Variants in ERBB4 observed in about 807,000 individuals in gnomAD.
The protein encoded by ERBB4 is receptor tyrosine-protein kinase erbB-4.
In ERBB4, 42 loss-of-function variants were observed where a neutral mutation model predicts 158.0. That is an observed-to-expected ratio of 0.27 (90% confidence interval 0.21 to 0.34). The LOEUF (loss-of-function observed/expected upper bound fraction) is 0.34. Ranked by LOEUF, ERBB4 falls within the 10% of genes least tolerant of loss-of-function variation. The pLI is 1.00. For missense variants in ERBB4, 1,333 were observed against 1,624.1 expected, an observed-to-expected ratio of 0.82 and a Z score of 3.08; for synonymous variants, 583 against 558.7, an observed-to-expected ratio of 1.04 and a Z score of -0.61.
chr2:212,260,541 A>C (rs1350134582), intron 1 of ERBB4, among the ~76,000 whole-genome samples: 2 of 152,210 alleles, frequency 1.3e-5, no homozygotes, highest in East Asian at 1.9e-4. Context: ...CCCTCTGCGC[A>C]GTGGCTCACG....
intron 7 of ERBB4, among the ~76,000 whole-genome samples, chr2:211,715,453 T>C (rs1017807848): frequency 2.0e-5 from 3 of 152,198 alleles, no homozygotes; most frequent in Non-Finnish European, 4.4e-5. Flanking sequence ...GCATACATGA[T>C]ATTAAGTAGC....
chr2:211,412,639 C>T (rs1346288334), intron 25 of ERBB4, among the ~76,000 whole-genome samples: 2 of 152,056 alleles, frequency 1.3e-5, no homozygotes, highest in Non-Finnish European at 2.9e-5. Flanking sequence ...TATATTAATT[C>T]ATTTACTCTT....
chr2:211,996,304 A>G (rs1196493892), intron 2 of ERBB4, among the ~76,000 whole-genome samples: 1 of 151,976 alleles, frequency 6.6e-6, no homozygotes, highest in East Asian at 1.9e-4. Flanking sequence ...AATCAAGTTT[A>G]AACATTATCC....
chr2:212,118,400 A>C (rs2079636034), intron 2 of ERBB4, among the ~76,000 whole-genome samples: 1 of 152,166 alleles, frequency 6.6e-6, no homozygotes, highest in Non-Finnish European at 1.5e-5. Context: ...TTGCTGTCTG[A>C]GTTGCAGCTT....
intron 20 of ERBB4, among the ~76,000 whole-genome samples, chr2:211,494,954 A>T (rs1056310991): frequency 1.3e-5 from 2 of 152,164 alleles, no homozygotes; most frequent in Non-Finnish European, 2.9e-5. Flanking sequence ...GCATTGGGAC[A>T]TAGCTGGTTA....
At chr2:211,813,905 A>G (rs2076819420) in intron 3 of ERBB4, among the ~76,000 whole-genome samples, 1 of 152,192 alleles carries the variant, frequency 6.6e-6, no homozygotes, top group Non-Finnish European at 1.5e-5. Context: ...GACAAAAAAT[A>G]ATATAAATCA....
At chr2:211,649,204 A>G (rs1224876041) in intron 16 of ERBB4, among the ~76,000 whole-genome samples, 1 of 151,872 alleles carries the variant, frequency 6.6e-6, no homozygotes, top group African/African-American at 2.4e-5. Flanking sequence ...ACTAAGAGAA[A>G]GACATTGAGC....
At chr2:211,558,798 A>G (rs1348844697) in intron 20 of ERBB4, among the ~76,000 whole-genome samples, 1 of 152,112 alleles carries the variant, frequency 6.6e-6, no homozygotes, top group East Asian at 1.9e-4. Flanking sequence ...CTCCCTGCTT[A>G]AGGGTAGATT....
At chr2:211,501,950 C>T (rs1254200066) in intron 20 of ERBB4, among the ~76,000 whole-genome samples, 1 of 152,020 alleles carries the variant, frequency 6.6e-6, no homozygotes, top group Non-Finnish European at 1.5e-5. Context: ...ATTTGTTGTT[C>T]CTCCATATAC....
At chr2:211,756,121 G>C (rs149010436) in intron 4 of ERBB4, among the ~76,000 whole-genome samples, 3 of 152,124 alleles carry the variant, frequency 2.0e-5, no homozygotes, top group Non-Finnish European at 4.4e-5. Context: ...GTTCAGGGAG[G>C]GGGGATAAAA....
At chr2:211,539,925 T>G (rs2066753589) in intron 20 of ERBB4, among the ~76,000 whole-genome samples, 1 of 151,964 alleles carries the variant, frequency 6.6e-6, no homozygotes, top group African/African-American at 2.4e-5. Flanking sequence ...GCACATTAGG[T>G]TATGTAATAA....
chr2:212,029,918 C>T (rs1032958533), intron 2 of ERBB4, among the ~76,000 whole-genome samples: 16 of 152,116 alleles, frequency 1.1e-4, no homozygotes, highest in African/African-American at 3.9e-4. Context: ...CTCGTATATT[C>T]CTTAGCTTAA....
At chr2:211,587,224 C>A (rs559081550) in intron 19 of ERBB4, among the ~76,000 whole-genome samples, 1 of 150,956 alleles carries the variant, frequency 6.6e-6, no homozygotes, top group Admixed American at 6.6e-5. Context: ...GGCGTGGTGG[C>A]GAGCACCTGT....
chr2:212,400,311 G>C (rs977803025), intron 1 of ERBB4, among the ~76,000 whole-genome samples: 7 of 152,152 alleles, frequency 4.6e-5, no homozygotes, highest in African/African-American at 1.7e-4. Flanking sequence ...GGCCTAATGG[G>C]GAGGTGGTGA....
chr2:211,999,797 A>G (rs1385427836), intron 2 of ERBB4, among the ~76,000 whole-genome samples: 1 of 151,680 alleles, frequency 6.6e-6, no homozygotes, highest in Non-Finnish European at 1.5e-5. Context: ...TAGGTTTAAA[A>G]CCATCTTACC....
intron 3 of ERBB4, among the ~76,000 whole-genome samples, chr2:211,806,575 C>G (rs1172285089): frequency 1.3e-5 from 2 of 152,018 alleles, no homozygotes; most frequent in African/African-American, 2.4e-5. Flanking sequence ...AGAGAAGTAT[C>G]ACAATGCAAC....
At chr2:212,084,946 T>G (rs1244927175) in intron 2 of ERBB4, among the ~76,000 whole-genome samples, 3 of 151,956 alleles carry the variant, frequency 2.0e-5, no homozygotes, top group Non-Finnish European at 4.4e-5. Flanking sequence ...TTACATGACT[T>G]AAGTAATTTA....
intron 19 of ERBB4, among the ~76,000 whole-genome samples, chr2:211,586,109 A>C (rs2068267752): frequency 6.6e-6 from 1 of 152,174 alleles, no homozygotes; most frequent in Non-Finnish European, 1.5e-5. Context: ...TCAATAAACC[A>C]ATGCAAAATT....
At chr2:212,195,025 C>T (rs993975493) in intron 1 of ERBB4, among the ~76,000 whole-genome samples, 1 of 151,880 alleles carries the variant, frequency 6.6e-6, no homozygotes, top group Non-Finnish European at 1.5e-5. Context: ...TGCCCTCATG[C>T]TACTTTGAGA....
Sources: allele counts gnomAD v4.1 joint callset (sites outside exome capture counted in the v4.1 genomes callset), GRCh38; gene constraint gnomAD v4.1.1; transcripts MANE v1.5; gene names NCBI Gene and HGNC (gene_info 2026-07-23, HGNC 2026-07-21).